VCL: variants seen among roughly 807,000 people sequenced by gnomAD.
The protein encoded by VCL is vinculin, also known as epididymis luminal protein 114.
VCL carries 47 observed loss-of-function variants against 125.7 expected under a neutral mutation model. The observed-to-expected ratio is 0.37, with a 90% CI of 0.30 to 0.48. VCL has a LOEUF of 0.48. VCL is among the 20% of genes least tolerant of loss of function. The pLI is 0.99. For synonymous variants in VCL, 458 were observed against 514.6 expected (o/e 0.89, Z 1.49); for missense variants, 1,069 against 1,455.5 (o/e 0.73, Z 4.32).
At chr10:74,044,028 G>A (rs546990466) in intron 2 of VCL, among the ~76,000 whole-genome samples, 4 of 151,906 alleles carry the variant, frequency 2.6e-5, no homozygotes, top group Admixed American at 6.6e-5. Flanking sequence ...GGAGAATGGC[G>A]TGAACTCAGG....
intron 1 of VCL, among the ~76,000 whole-genome samples, chr10:74,023,895 G>C (rs964997129): frequency 6.6e-6 from 1 of 152,104 alleles, no homozygotes; most frequent in African/African-American, 2.4e-5. Flanking sequence ...TGCTGTAGCT[G>C]TTCTCTTCTT....
In VCL at chr10:74,097,126, G is replaced by A. The variant is rs969714055; in HGVS notation, c.1744-78G>A. The A allele has an allele frequency of 2.5e-6, 4 of 1,571,082 alleles. No individual in the cohort carries two copies. In the Admixed American group the frequency reaches 5.0e-5, roughly 20 times the overall value. Reference sequence around the variant, plus strand: ...TGAAAGACTGAATAGATGAATGAATGTCAGTGAAGTAAGGGCATTAGTAGA... The same window carrying A: ...TGAAAGACTGAATAGATGAATGAATATCAGTGAAGTAAGGGCATTAGTAGA... On this transcript the variant is annotated intron_variant, in intron 12 of 21. Transcript: ENST00000211998. This position sits in a 1 kb window ranked among gnomAD's most constrained non-coding sequence, Gnocchi z 4.1.
chr10:74,041,654 AGGCAAGGTGGGT>A (rs1262094595), intron 1 of VCL, among the ~76,000 whole-genome samples: 1 of 151,992 alleles, frequency 6.6e-6, no homozygotes, highest in Non-Finnish European at 1.5e-5. Flanking sequence ...GCACTTTGGG[AGGCAAGGTGGGT>A]GGATCACTTG....
rs1275954799 is a variant in VCL at position 74,074,739 on chromosome 10, A to C, written c.623-4A>C. The C allele has an allele frequency of 2.5e-6, 4 of 1,612,276 alleles. No individual in the cohort carries two copies. In the South Asian group the frequency reaches 4.4e-5, roughly 18 times the overall value. ...GCTTACTTTCTGATCTTTTATTTTT[A>C]CAGCTATGAAGATTTTTGTAACAAC... On this transcript the variant is annotated splice_region_variant and splice_polypyrimidine_tract_variant and intron_variant, in intron 5 of 21. Coordinates refer to ENST00000211998, the MANE Select transcript of VCL (RefSeq NM_014000.3).
intron 16 of VCL, among the ~76,000 whole-genome samples, chr10:74,105,828 T>C (rs1840123210): frequency 6.6e-6 from 1 of 151,568 alleles, no homozygotes; most frequent in Non-Finnish European, 1.5e-5. Flanking sequence ...GTGCTGGGAT[T>C]ACAGGTGTGA....
At chr10:74,014,009 C>T (rs1027991641) in intron 1 of VCL, among the ~76,000 whole-genome samples, 2 of 152,120 alleles carry the variant, frequency 1.3e-5, no homozygotes, top group Non-Finnish European at 2.9e-5. Context: ...ACAGTTTTAC[C>T]AACTGTGGGG....
At chr10:74,104,016 G>A (rs1591712292) in intron 15 of VCL, 88 bp downstream of exon 15, 1 of 1,342,762 alleles carries the variant, frequency 7.4e-7, no homozygotes, top group Non-Finnish European at 1.1e-6. Context: ...TTACTCAGCT[G>A]TAATTGGATA....
chr10:74,074,385 A>AT (rs1839543315), intron 5 of VCL, among the ~76,000 whole-genome samples: 1 of 152,182 alleles, frequency 6.6e-6, no homozygotes, highest in Non-Finnish European at 1.5e-5. Flanking sequence ...GACAGTTTTC[A>AT]TATTGTCCCA....
At chr10:74,050,286 T>C (rs749076512) in intron 2 of VCL, among the ~76,000 whole-genome samples, 1 of 152,234 alleles carries the variant, frequency 6.6e-6, no homozygotes, top group Non-Finnish European at 1.5e-5. Flanking sequence ...TCTAGGCTTA[T>C]TGAATAAAAG....
intron 21 of VCL, among the ~76,000 whole-genome samples, chr10:74,117,725 GGATCCCTGGGGAAA>G (rs1471480156): frequency 1.3e-5 from 2 of 152,182 alleles, no homozygotes; most frequent in Non-Finnish European, 2.9e-5. Context: ...GGGATCCCTG[GGATCCCTGGGGAAA>G]GAGCAGTCCA....
chr10:74,099,918 A>G (rs1338475666), intron 13 of VCL, among the ~76,000 whole-genome samples: 2 of 152,164 alleles, frequency 1.3e-5, no homozygotes, highest in African/African-American at 4.8e-5. Flanking sequence ...GACACAGAAC[A>G]CTGGCAATGA....
At chr10:74,043,248 T>C (rs1402909488) in intron 2 of VCL, 95 bp downstream of exon 2, 1 of 1,148,666 alleles carries the variant, frequency 8.7e-7, no homozygotes, top group Non-Finnish European at 1.3e-6. Flanking sequence ...TTTTTTGGTA[T>C]AAAACTTTTG....
intron 2 of VCL, among the ~76,000 whole-genome samples, chr10:74,060,649 C>G (rs1298065911): frequency 4.0e-5 from 4 of 100,136 alleles, no homozygotes; most frequent in African/African-American, 1.9e-4. Context: ...GAATGAGACT[C>G]TGTCTCAAAA....
At chr10:74,089,490 T>TA in intron 9 of VCL, 141 bp downstream of exon 9, 1 of 1,236,746 alleles carries the variant, frequency 8.1e-7, no homozygotes, top group Non-Finnish European at 1.1e-6. Context: ...TTCCAGCACT[T>TA]ACCAATGTTA....
intron 1 of VCL, among the ~76,000 whole-genome samples, chr10:74,018,937 T>C (rs1840611014): frequency 6.6e-6 from 1 of 152,198 alleles, no homozygotes; most frequent in African/African-American, 2.4e-5. Context: ...TACTGTCTTG[T>C]CCTGTTTCTT....
At chr10:74,107,169 C>T in intron 16 of VCL, 61 bp from the exon 17 acceptor site, 2 of 1,613,358 alleles carry the variant, frequency 1.2e-6, no homozygotes, top group Middle Eastern at 1.7e-4. Context: ...TCTGCTGCTG[C>T]ACAGACAGTG....
intron 16 of VCL, 141 bp downstream of exon 16, chr10:74,105,494 T>A: frequency 9.1e-7 from 1 of 1,103,790 alleles, no homozygotes; most frequent in Non-Finnish European, 1.3e-6. Flanking sequence ...AATGCTAGAT[T>A]AATCTTTTTC....
At chr10:74,065,154 T>C (rs1034285213) in intron 2 of VCL, among the ~76,000 whole-genome samples, 31 of 151,360 alleles carry the variant, frequency 2.0e-4, no homozygotes, top group Non-Finnish European at 4.0e-4. Flanking sequence ...TTTTTTTTTT[T>C]CAGACTGAGT....
Position 74,097,330 on chromosome 10 carries a change from G to C in VCL, c.1870G>C (p.Glu624Gln). 3 of 1,613,166 alleles carry C rather than the reference G, an allele frequency of 1.9e-6. No individual in the cohort carries two copies. The highest frequency in any genetic ancestry group is 2.5e-6 in the Non-Finnish European group (3 of 1,179,724). ...GCCTCCTGATGCGCCTAACAGGGAA[G>C]AGGTGGGTATCTGAGGTCTTCCATT... The part of the protein sequence containing the change: ...TAPPDAPNRE[E>Q]VFDERAANFE... Residue 624 changes from glutamate to glutamine, a missense_variant and splice_region_variant, in exon 13 of 22, where the codon GAG becomes CAG. Around this residue, in one of 6 missense-constraint regions of VCL, gnomAD observed 760 missense variants for 928.9 expected, o/e 0.82. Coordinates refer to ENST00000211998, the MANE Select transcript of VCL (RefSeq NM_014000.3). The surrounding 1 kb of genome is among the most constrained non-coding windows in gnomAD (Gnocchi z 4.1).
Sources: gnomAD v4.1 joint callset for allele counts (sites outside exome capture counted in the v4.1 genomes callset) on GRCh38, gnomAD v4.1.1 for gene constraint, gnomAD v4.1.1 regional missense constraint, Gnocchi (gnomAD v3.1) non-coding constraint, MANE v1.5 for transcripts, NCBI Gene and HGNC (gene_info 2026-07-23, HGNC 2026-07-21) for gene names.